CLIP1: variants seen among roughly 807,000 people sequenced by gnomAD.
CLIP1 encodes the protein CAP-Gly domain-containing linker protein 1.
In CLIP1, 66 loss-of-function variants were observed where a neutral mutation model predicts 161.6. That is an observed-to-expected ratio of 0.41 (90% CI 0.33 to 0.50). CLIP1 has a LOEUF of 0.50. CLIP1 is among the 20% of genes least tolerant of loss of function. The pLI, the probability that CLIP1 is intolerant of heterozygous loss-of-function variation, is 0.27. For missense variants in CLIP1, 1,376 were observed against 1,702.0 expected (o/e 0.81, Z 3.37); for synonymous variants, 598 against 626.2 (o/e 0.96, Z 0.67).
At chr12:122,294,492 G>T in intron 20 of CLIP1, among the ~76,000 whole-genome samples, 1 of 152,120 alleles carries the variant, frequency 6.6e-6, no homozygotes, top group African/African-American at 2.4e-5. Flanking sequence ...ACCGGGCACA[G>T]TGGCTCACAC....
chr12:122,384,366 C>T (rs1249918182), intron 1 of CLIP1, among the ~76,000 whole-genome samples: 2 of 152,196 alleles, frequency 1.3e-5, no homozygotes, highest in Non-Finnish European at 2.9e-5. Context: ...GTGTATCAGG[C>T]TTCAGCTGTG....
chr12:122,317,569 T>G (rs929648409), intron 18 of CLIP1, among the ~76,000 whole-genome samples: 2 of 152,074 alleles, frequency 1.3e-5, no homozygotes, highest in African/African-American at 4.8e-5. Flanking sequence ...TGGTTGGAGC[T>G]CTAGGTGCAG....
rs138467187 is a variant in CLIP1 at position 122,333,028 on chromosome 12, A to G, written c.2826T>C (p.Ser942=). 19 of 1,613,810 alleles carry G rather than the reference A, an allele frequency of 1.2e-5. No homozygotes were observed. Among genetic ancestry groups the G allele is most frequent in the Non-Finnish European group, 1.6e-5 (19 of 1,179,914 alleles). Residue 942 remains serine, a synonymous_variant, in exon 15 of 26, where the codon TCT becomes TCC. Transcript: ENST00000620786. ...ATTCATCGTTCATTTTTGTCAGCTG[A>G]GAAGAGTTATCTCCTGACATCTTCA... The part of the protein sequence containing the change: ...EIMKMSGDNS[S]QLTKMNDELR...
intron 24 of CLIP1, 110 bp downstream of exon 24, chr12:122,278,044 T>G: frequency 1.1e-6 from 1 of 946,174 alleles, no homozygotes; most frequent in Non-Finnish European, 1.6e-6. Flanking sequence ...CATTACCAAT[T>G]CAAAAGACTA....
At chr12:122,362,232 G>A (rs920412820) in intron 4 of CLIP1, among the ~76,000 whole-genome samples, 4 of 151,020 alleles carry the variant, frequency 2.6e-5, no homozygotes, top group Admixed American at 6.6e-5. Flanking sequence ...GATTACAGGC[G>A]TGAGCCACCA....
intron 17 of CLIP1, chr12:122,324,117 A>G (rs1951620991): frequency 6.6e-6 from 1 of 152,644 alleles, no homozygotes; most frequent in African/African-American, 2.4e-5. Context: ...TGCTCATAAT[A>G]CTTTTCGGCA....
At chr12:122,354,368 C>A in intron 7 of CLIP1, 85 bp downstream of exon 7, 1 of 983,020 alleles carries the variant, frequency 1.0e-6, no homozygotes, top group East Asian at 2.6e-5. Context: ...GCACTGCAGC[C>A]TGGGCAACAG....
Position 122,352,309 on chromosome 12 carries a change from G to A in CLIP1, c.1368+417C>T, listed in dbSNP as rs147077002. ...TGACCTCGGGTGATCCACCTACCTCGGCCTCCCAAAGTGCTGGGATTACAG... is the reference window on the plus strand; with the variant it reads ...TGACCTCGGGTGATCCACCTACCTCAGCCTCCCAAAGTGCTGGGATTACAG... On this transcript the variant is annotated intron_variant, in intron 8 of 25. Coordinates refer to ENST00000620786, the MANE Select transcript of CLIP1 (RefSeq NM_001247997.2). Among the ~76,000 whole-genome samples the A allele has an allele frequency of 1.2e-4, 18 of 152,092 alleles. No individual in the cohort carries two copies. In the East Asian group the frequency reaches 3.3e-3, roughly 28 times the overall value.
At chr12:122,315,533 G>T (rs1951226234) in intron 19 of CLIP1, among the ~76,000 whole-genome samples, 2 of 152,218 alleles carry the variant, frequency 1.3e-5, no homozygotes, top group African/African-American at 4.8e-5. Flanking sequence ...AAGGAAGTAT[G>T]AACAGTCTGT....
In CLIP1 at chr12:122,296,861, CA is replaced by C. The variant is rs56071033; in HGVS notation, c.3595-8321del. On this transcript the variant is annotated intron_variant, in intron 20 of 25. Transcript: ENST00000620786. ...CCTGGGTGACAAAGTGAGACTACCT[CA>C]AAAAAAAAAAAAAAAAAAAAACATG... 4.2e-3 allele frequency among the ~76,000 whole-genome samples: 247 copies of C among 58,252 alleles called. 1 individual carries two copies. The highest frequency in any genetic ancestry group is 0.019 in the Middle Eastern group (2 of 108). 38.2% of individuals were successfully genotyped at this position (58,252 alleles called of 152,430 possible). A position where few individuals can be genotyped will look rare whatever the true frequency, so the allele number is the denominator to read the frequency against.
At chr12:122,373,886 G>C (rs910855951) in intron 3 of CLIP1, among the ~76,000 whole-genome samples, 2 of 151,944 alleles carry the variant, frequency 1.3e-5, no homozygotes, top group African/African-American at 4.8e-5. Flanking sequence ...ACATATTATA[G>C]ACAAACCTCA....
rs186735292 is a variant in CLIP1, at chr12:122,296,269, C to T, written c.3595-7728G>A. The stretch of plus-strand genomic sequence containing the variant: ...GTGAAGGAAATCTTGATTGTGGGGT[C>T]AGTTTTATGACCATATATATTTGTC... On this transcript the variant is annotated intron_variant, in intron 20 of 25. Coordinates refer to ENST00000620786, the MANE Select transcript of CLIP1 (RefSeq NM_001247997.2). 2.0e-3 allele frequency among the ~76,000 whole-genome samples: 311 copies of T among 152,224 alleles called. 4 individuals carry two copies. Among genetic ancestry groups the T allele is most frequent in the African/African-American group, 7.2e-3 (301 of 41,534 alleles).
At chr12:122,384,806 C>CTT (rs200917118) in intron 1 of CLIP1, among the ~76,000 whole-genome samples, 3 of 140,106 alleles carry the variant, frequency 2.1e-5, no homozygotes, top group Non-Finnish European at 3.1e-5. Context: ...TCTCCAGTTT[C>CTT]TTTTTTTTTT....
At chr12:122,412,361 TAAG>T (rs1168349808) in intron 1 of CLIP1, among the ~76,000 whole-genome samples, 2 of 148,108 alleles carry the variant, frequency 1.4e-5, no homozygotes, top group Non-Finnish European at 3.0e-5. Flanking sequence ...AATTTTTTAA[TAAG>T]AAGACTGAGG....
chr12:122,415,079 A>AT (rs1179982485), intron 1 of CLIP1, among the ~76,000 whole-genome samples: 1 of 151,594 alleles, frequency 6.6e-6, no homozygotes, highest in African/African-American at 2.4e-5. Context: ...ATAATAAATA[A>AT]TTTTTTAAAA....
chr12:122,323,283 C>T lies in CLIP1; in HGVS notation c.3250-3935G>A, dbSNP rs1951584965. The T allele has an allele frequency of 6.6e-6, 1 of 152,490 alleles. No homozygotes were observed. Among genetic ancestry groups the T allele is most frequent in the Non-Finnish European group, 1.5e-5 (1 of 68,042 alleles). 9.4% of individuals were successfully genotyped at this position (152,490 alleles called of 1,614,324 possible). A position where few individuals can be genotyped will look rare whatever the true frequency, so the allele number is the denominator to read the frequency against. ...TTCAGGCTCATCTCAGTATGGGCAG[C>T]CTCTTCTAAGCATTTGTGGAGTTTT... On this transcript the variant is annotated intron_variant, in intron 17 of 25. Coordinates refer to ENST00000620786, the MANE Select transcript of CLIP1 (RefSeq NM_001247997.2). The surrounding 1 kb of genome is among the most constrained non-coding windows in gnomAD (Gnocchi z 4.1).
chr12:122,397,472 C>T (rs1245218788), intron 1 of CLIP1, among the ~76,000 whole-genome samples: 1 of 143,278 alleles, frequency 7.0e-6, no homozygotes, highest in Non-Finnish European at 1.5e-5. Context: ...TAGTGGTGCA[C>T]GCCTGTAATC....
intron 3 of CLIP1, among the ~76,000 whole-genome samples, chr12:122,369,433 G>A (rs1441560424): frequency 6.6e-6 from 1 of 151,748 alleles, no homozygotes; most frequent in Non-Finnish European, 1.5e-5. Context: ...GTCGACCTCT[G>A]CTTGCCCTAC....
At chr12:122,391,910 T>C (rs1156876664) in intron 1 of CLIP1, among the ~76,000 whole-genome samples, 1 of 152,146 alleles carries the variant, frequency 6.6e-6, no homozygotes, top group Non-Finnish European at 1.5e-5. Context: ...GAATCCAAGC[T>C]CCTCATTTTC....
Sources: allele counts gnomAD v4.1 joint callset (sites outside exome capture counted in the v4.1 genomes callset), GRCh38; gene constraint gnomAD v4.1.1; non-coding constraint Gnocchi (gnomAD v3.1); transcripts MANE v1.5; gene names NCBI Gene and HGNC (gene_info 2026-07-23, HGNC 2026-07-21).